The following CACNA1C variants were observed in gnomAD, a reference collection of about 807,000 sequenced individuals.
CACNA1C encodes the protein voltage-dependent L-type calcium channel subunit alpha-1C.
Under a neutral mutation model 229.0 loss-of-function variants are expected in CACNA1C, and 30 were observed. The ratio of observed to expected loss-of-function variants is 0.13; its 90% CI spans 0.10 to 0.18. The LOEUF (loss-of-function observed/expected upper bound fraction) is 0.18, where lower values mean the gene tolerates loss of function less well. CACNA1C is among the 10% of genes least tolerant of loss of function. The probability of loss-of-function intolerance (pLI) is 1.00; values close to 1 mark genes in which losing one functional copy is unlikely to be tolerated. For missense variants in CACNA1C, 1,658 were observed against 2,845.0 expected (o/e 0.58, Z 9.49); for synonymous variants, 1,114 against 1,132.5 (o/e 0.98, Z 0.33).
chr12:2,064,669 G>A (rs752902925), intron 1 of CACNA1C, among the ~76,000 whole-genome samples: 6 of 152,214 alleles, frequency 3.9e-5, no homozygotes, highest in Admixed American at 6.5e-5. Context: ...AGAGGGAAGC[G>A]AGCAGTGGGT....
intron 21 of CACNA1C, among the ~76,000 whole-genome samples, chr12:2,599,360 C>T (rs1215894256): frequency 1.3e-5 from 2 of 152,080 alleles, no homozygotes; most frequent in Non-Finnish European, 2.9e-5. Context: ...CCAAGGGGGA[C>T]ATTTAGCACA....
intron 4 of CACNA1C, among the ~76,000 whole-genome samples, chr12:2,456,399 A>G (rs2099419506): frequency 6.6e-6 from 1 of 152,166 alleles, no homozygotes; most frequent in Non-Finnish European, 1.5e-5. Flanking sequence ...CTGTAGTTAG[A>G]TCATGTCACT....
intron 30 of CACNA1C, among the ~76,000 whole-genome samples, chr12:2,641,288 C>T (rs961194617): frequency 6.6e-6 from 1 of 152,180 alleles, no homozygotes; most frequent in Admixed American, 6.5e-5. Context: ...CACAAAAGGC[C>T]AGAGGCAGGA....
At position 2,630,236 on chromosome 12, in the gene CACNA1C, G is replaced by A. The variant is rs1462832449; in HGVS notation, c.3829-4061G>A. Among the ~76,000 whole-genome samples, 1 of 152,184 alleles carries A rather than the reference G, an allele frequency of 6.6e-6. No individual in the cohort carries two copies. Among genetic ancestry groups the A allele is most frequent in the African/African-American group, 2.4e-5 (1 of 41,428 alleles). On this transcript the variant is annotated intron_variant, in intron 29 of 46. Transcript: ENST00000399655. This position sits in a 1 kb window ranked among gnomAD's most constrained non-coding sequence, Gnocchi z 5.4. The stretch of plus-strand genomic sequence containing the variant: ...GTATAACCAGACTCCAGGTCAGACT[G>A]ATTTCGTAAGACGTGTATGATTTTT...
intron 3 of CACNA1C, among the ~76,000 whole-genome samples, chr12:2,174,900 AT>A (rs1350812232): frequency 7.9e-5 from 12 of 152,356 alleles, no homozygotes; most frequent in Admixed American, 6.5e-4. Context: ...GAAGTGAACC[AT>A]TGTAAAGGTC....
At chr12:2,456,570 C>G (rs562903745) in intron 4 of CACNA1C, among the ~76,000 whole-genome samples, 1 of 152,300 alleles carries the variant, frequency 6.6e-6, no homozygotes, top group East Asian at 1.9e-4. Context: ...CACACCCTGC[C>G]CCTCCCTTGG....
chr12:2,438,280 A>AGTGGTGATGATGGTGGTG (rs1596283794), intron 3 of CACNA1C, among the ~76,000 whole-genome samples: 1 of 49,364 alleles, frequency 2.0e-5, no homozygotes, highest in Non-Finnish European at 4.1e-5. Flanking sequence ...TGGTAATGAT[A>AGTGGTGATGATGGTGGTG]GTGGTAATGA....
At chr12:2,294,393 T>C (rs1223362101) in intron 3 of CACNA1C, among the ~76,000 whole-genome samples, 2 of 150,740 alleles carry the variant, frequency 1.3e-5, no homozygotes, top group Admixed American at 6.6e-5. Flanking sequence ...GCTGGAAACG[T>C]AGATTGGAGT....
chr12:2,013,233 C>T (rs1355488097), intron 1 of CACNA1C, among the ~76,000 whole-genome samples: 1 of 152,114 alleles, frequency 6.6e-6, no homozygotes. Context: ...GCTAGCGTTA[C>T]TGTGACAACT....
In CACNA1C at chr12:2,608,721, C is replaced by T. The variant is rs866480818; in HGVS notation, c.3558+9C>T. 1.2e-5 allele frequency: 20 copies of T among 1,613,456 alleles called. No individual in the cohort carries two copies. Among genetic ancestry groups the T allele is most frequent in the Non-Finnish European group, 1.5e-5 (18 of 1,179,752 alleles). On this transcript the variant is annotated intron_variant, in intron 27 of 46. Coordinates refer to ENST00000399655, the MANE Select transcript of CACNA1C (RefSeq NM_000719.7). This position sits in a 1 kb window ranked among gnomAD's most constrained non-coding sequence, Gnocchi z 4.2. The stretch of plus-strand genomic sequence containing the variant: ...AGCTGGACAAGAACCAGGTAGCTTC[C>T]TAGGAAGGAGCGGAGGGAAGCGGGG...
intron 3 of CACNA1C, among the ~76,000 whole-genome samples, chr12:2,400,419 C>T (rs916664557): frequency 2.0e-5 from 3 of 152,186 alleles, no homozygotes; most frequent in African/African-American, 7.2e-5. Flanking sequence ...ACCAAGTTCT[C>T]ATTAGGGTCA....
intron 45 of CACNA1C, among the ~76,000 whole-genome samples, chr12:2,687,786 G>A (rs376381545): frequency 3.3e-5 from 5 of 152,274 alleles, no homozygotes; most frequent in African/African-American, 9.6e-5. Flanking sequence ...TGATCTGCCC[G>A]CCTTGGCCTC....
intron 11 of CACNA1C, among the ~76,000 whole-genome samples, chr12:2,563,150 G>T (rs939723966): frequency 1.3e-5 from 2 of 152,046 alleles, no homozygotes; most frequent in African/African-American, 4.8e-5. Flanking sequence ...TCTGTGCCTG[G>T]CTTATTTCAC....
intron 3 of CACNA1C, among the ~76,000 whole-genome samples, chr12:2,303,245 C>G (rs541527662): frequency 5.3e-5 from 8 of 152,304 alleles, no homozygotes; most frequent in African/African-American, 1.9e-4. Context: ...GCACTGCAGA[C>G]TGGGTGGCTT....
intron 9 of CACNA1C, 61 bp downstream of exon 9, chr12:2,513,045 G>C: frequency 1.4e-6 from 2 of 1,421,322 alleles, no homozygotes; most frequent in East Asian, 2.5e-5. Context: ...ACAGCATCGG[G>C]GTCAGCACAG....
chr12:2,206,567 C>A (rs1040836326), intron 3 of CACNA1C, among the ~76,000 whole-genome samples: 1 of 152,212 alleles, frequency 6.6e-6, no homozygotes, highest in African/African-American at 2.4e-5. Flanking sequence ...CATGAATATT[C>A]AATGAGATGA....
intron 3 of CACNA1C, among the ~76,000 whole-genome samples, chr12:2,408,144 A>G (rs117902942): frequency 2.4e-4 from 37 of 152,370 alleles, no homozygotes; most frequent in Admixed American, 7.8e-4. Flanking sequence ...CAGACACAAA[A>G]GAACAAATAT....
intron 34 of CACNA1C, among the ~76,000 whole-genome samples, chr12:2,662,924 ACTTAT>A (rs2095841807): frequency 6.6e-6 from 1 of 152,218 alleles, no homozygotes. Flanking sequence ...TAACAAAATG[ACTTAT>A]CTATGCAGAA....
chr12:2,076,436 G>A (rs984222757), intron 1 of CACNA1C, among the ~76,000 whole-genome samples: 1 of 152,076 alleles, frequency 6.6e-6, no homozygotes, highest in Admixed American at 6.6e-5. Context: ...GCTCACATGG[G>A]TCTGCTGCTT....
Sources: gnomAD v4.1 joint callset for allele counts (sites outside exome capture counted in the v4.1 genomes callset) on GRCh38, gnomAD v4.1.1 for gene constraint, Gnocchi (gnomAD v3.1) non-coding constraint, MANE v1.5 for transcripts, NCBI Gene and HGNC (gene_info 2026-07-23, HGNC 2026-07-21) for gene names.